Variants in MSI2 observed in about 807,000 individuals in gnomAD.
MSI2 encodes RNA-binding protein Musashi homolog 2.
MSI2 carries 17 observed loss-of-function variants against 45.6 expected under a neutral mutation model. The observed-to-expected ratio is 0.37, with a 90% confidence interval of 0.26 to 0.56. The LOEUF is 0.56. Ranked by LOEUF, MSI2 falls within the 20% of genes least tolerant of loss-of-function variation. The pLI is 0.77. For synonymous variants in MSI2, 156 were observed against 158.2 expected, an observed-to-expected ratio of 0.99 and a Z score of 0.11; for missense variants, 293 against 444.2, an observed-to-expected ratio of 0.66 and a Z score of 3.06.
At chr17:57,289,925 A>G (rs1910262954) in intron 5 of MSI2, among the ~76,000 whole-genome samples, 1 of 152,276 alleles carries the variant, frequency 6.6e-6, no homozygotes, top group Non-Finnish European at 1.5e-5. Flanking sequence ...TAGGAGAACC[A>G]GATGGCTTTA....
chr17:57,516,200 A>G (rs905673373), intron 6 of MSI2, among the ~76,000 whole-genome samples: 4 of 152,122 alleles, frequency 2.6e-5, no homozygotes, highest in African/African-American at 9.7e-5. Context: ...TAATAGTTAC[A>G]CCCTGGCCCC....
intron 5 of MSI2, among the ~76,000 whole-genome samples, chr17:57,365,504 C>T (rs939943097): frequency 7.2e-5 from 11 of 152,140 alleles, no homozygotes; most frequent in Admixed American, 2.0e-4. Context: ...GTAGCTGTAT[C>T]AGTACAAGTT....
At chr17:57,469,922 C>T (rs1016932074) in intron 6 of MSI2, among the ~76,000 whole-genome samples, 4 of 152,256 alleles carry the variant, frequency 2.6e-5, no homozygotes, top group Non-Finnish European at 5.9e-5. Flanking sequence ...CTTTGCTTCT[C>T]CAGCACTAAC....
chr17:57,322,935 T>C (rs940347843), intron 5 of MSI2, among the ~76,000 whole-genome samples: 3 of 151,520 alleles, frequency 2.0e-5, no homozygotes, highest in Non-Finnish European at 4.4e-5. Context: ...GGGAGTTATG[T>C]GTTGTGTTGG....
intron 6 of MSI2, among the ~76,000 whole-genome samples, chr17:57,500,780 C>T (rs1236975054): frequency 2.4e-5 from 3 of 126,464 alleles, no homozygotes; most frequent in African/African-American, 9.2e-5. Flanking sequence ...CGAGGCCACC[C>T]TGTCTCTACC....
chr17:57,309,738 T>C (rs986963434), intron 5 of MSI2, among the ~76,000 whole-genome samples: 2 of 151,958 alleles, frequency 1.3e-5, no homozygotes, highest in African/African-American at 4.8e-5. Flanking sequence ...GAAGGAGTCG[T>C]TGGGGAAGAG....
chr17:57,459,263 C>A (rs534236980), intron 6 of MSI2, among the ~76,000 whole-genome samples: 1 of 152,140 alleles, frequency 6.6e-6, no homozygotes. Context: ...TTCTGAAGTG[C>A]TCCCTGCTTT....
intron 7 of MSI2, among the ~76,000 whole-genome samples, chr17:57,544,828 C>A (rs2087127372): frequency 6.6e-6 from 1 of 152,084 alleles, no homozygotes; most frequent in African/African-American, 2.4e-5. Flanking sequence ...TGGCCTCTAC[C>A]CTCCCCCTTT....
chr17:57,354,037 G>GT (rs200014259), intron 5 of MSI2, among the ~76,000 whole-genome samples: 2,028 of 152,234 alleles, frequency 0.013, 43 homozygotes, highest in African/African-American at 0.046. Flanking sequence ...ATTGAGTACA[G>GT]TTTTTTAAAA....
At chr17:57,543,874 T>A (rs2087106979) in intron 7 of MSI2, among the ~76,000 whole-genome samples, 1 of 152,238 alleles carries the variant, frequency 6.6e-6, no homozygotes, top group Non-Finnish European at 1.5e-5. Flanking sequence ...GAACTCTAGC[T>A]TTTAATGGAC....
intron 5 of MSI2, among the ~76,000 whole-genome samples, chr17:57,298,091 C>G (rs1247675615): frequency 6.0e-5 from 9 of 150,774 alleles, no homozygotes; most frequent in Admixed American, 5.3e-4. Context: ...TTAATGGCAT[C>G]TAGAGTGGTG....
chr17:57,579,075 G>A (rs987167025), intron 7 of MSI2, among the ~76,000 whole-genome samples: 4 of 152,120 alleles, frequency 2.6e-5, no homozygotes, highest in Non-Finnish European at 5.9e-5. Flanking sequence ...AACATGCATT[G>A]GTTTCAAAAC....
At chr17:57,639,639 G>C (rs1555635933) in intron 10 of MSI2, among the ~76,000 whole-genome samples, 4 of 152,248 alleles carry the variant, frequency 2.6e-5, no homozygotes, top group Non-Finnish European at 4.4e-5. Flanking sequence ...GTAGCCTCCT[G>C]TTCCTTCCAC....
chr17:57,694,216 G>A, the MSI2 span, among the ~76,000 whole-genome samples: 4 of 152,350 alleles, frequency 2.6e-5, no homozygotes, highest in East Asian at 7.7e-4. Flanking sequence ...AATCTAGTCA[G>A]AAGTTGACTT....
chr17:57,511,430 T>C (rs892428390), intron 6 of MSI2, among the ~76,000 whole-genome samples: 2 of 152,180 alleles, frequency 1.3e-5, no homozygotes, highest in African/African-American at 4.8e-5. Flanking sequence ...GAAGGTTCAT[T>C]AAGCTGGAAT....
At chr17:57,631,759 C>G in intron 10 of MSI2, 1 of 1,568,434 alleles carries the variant, frequency 6.4e-7, no homozygotes, top group Non-Finnish European at 8.8e-7. Flanking sequence ...TCAGTTTAAT[C>G]TGTTAATTTC....
At chr17:57,339,963 A>G (rs1914995629) in intron 5 of MSI2, among the ~76,000 whole-genome samples, 1 of 152,244 alleles carries the variant, frequency 6.6e-6, no homozygotes, top group Non-Finnish European at 1.5e-5. Context: ...AATGGAACTG[A>G]CTGCTATAAA....
chr17:57,438,218 A>T (rs1274900861), intron 6 of MSI2, among the ~76,000 whole-genome samples: 1 of 152,148 alleles, frequency 6.6e-6, no homozygotes, highest in Non-Finnish European at 1.5e-5. Context: ...TGCGGAAGGC[A>T]GGATGGGGTC....
At position 57,258,333 on chromosome 17, in the gene MSI2, C is replaced by T; in HGVS notation, c.249C>T (p.His83=). 1 of 1,614,092 alleles carries T rather than the reference C, an allele frequency of 6.2e-7. No individual in the cohort carries two copies. Among genetic ancestry groups the T allele is most frequent in the Non-Finnish European group, 8.5e-7 (1 of 1,179,966 alleles). ...ASVDKVLGQP[H]HELDSKTIDP... ...TAGATAAAGTATTAGGTCAGCCCCA[C>T]CATGAGTTAGATTCCAAGACGGTAG... Residue 83 remains histidine, a synonymous_variant, in exon 4 of 14, where the codon CAC becomes CAT. Transcript: ENST00000284073.
Sources: allele counts gnomAD v4.1 joint callset (sites outside exome capture counted in the v4.1 genomes callset), GRCh38; gene constraint gnomAD v4.1.1; transcripts MANE v1.5; gene names NCBI Gene and HGNC (gene_info 2026-07-23, HGNC 2026-07-21).